LARGE1: variants seen among roughly 807,000 people sequenced by gnomAD.
The protein encoded by LARGE1 is xylosyl- and glucuronyltransferase LARGE1.
A neutral mutation model predicts 87.6 loss-of-function variants in LARGE1; 43 were observed. That is an observed-to-expected ratio of 0.49 (90% CI 0.38 to 0.63). The LOEUF (loss-of-function observed/expected upper bound fraction) is 0.63. LARGE1 is among the 30% of genes least tolerant of loss of function. The pLI is 0.00. For missense variants in LARGE1, 802 were observed against 1,000.2 expected, an observed-to-expected ratio of 0.80 and a Z score of 2.67; for synonymous variants, 434 against 394.6, an observed-to-expected ratio of 1.10 and a Z score of -1.18.
the LARGE1 span, among the ~76,000 whole-genome samples, chr22:33,139,705 G>T: frequency 3.3e-5 from 5 of 152,130 alleles, no homozygotes; most frequent in Non-Finnish European, 7.4e-5. Flanking sequence ...CTATGGTTTA[G>T]CTTGCTATTC....
At chr22:33,125,090 G>C in the LARGE1 span, among the ~76,000 whole-genome samples, 2 of 152,128 alleles carry the variant, frequency 1.3e-5, no homozygotes, top group African/African-American at 4.8e-5. Context: ...CGTGGCAAAG[G>C]GTAGTAACTT....
At chr22:33,641,193 G>A (rs2080420506) in intron 3 of LARGE1, among the ~76,000 whole-genome samples, 1 of 152,198 alleles carries the variant, frequency 6.6e-6, no homozygotes, top group Admixed American at 6.5e-5. Flanking sequence ...GCTTCCAGAG[G>A]AAGGAGCAGG....
chr22:33,270,354 AC>A, downstream of LARGE1, among the ~76,000 whole-genome samples: 1 of 152,352 alleles, frequency 6.6e-6, no homozygotes, highest in Admixed American at 6.5e-5. Flanking sequence ...ACATGAAGAT[AC>A]GACTGTACAA....
At chr22:33,555,890 A>C (rs1429483162) in intron 6 of LARGE1, among the ~76,000 whole-genome samples, 1 of 149,812 alleles carries the variant, frequency 6.7e-6, no homozygotes, top group Non-Finnish European at 1.5e-5. Flanking sequence ...AGATCACGCC[A>C]CTGCACTCTA....
In LARGE1 at chr22:33,273,178, T is replaced by A; in HGVS notation, c.*1249A>T. The A allele has an allele frequency of 2.6e-6, 1 of 379,794 alleles. No homozygotes were observed. The highest frequency in any genetic ancestry group is 4.7e-6 in the Non-Finnish European group (1 of 214,770). The allele number at this position is 379,794 out of a possible 1,614,324, so 23.5% of individuals were successfully genotyped here. A position where few individuals can be genotyped will look rare whatever the true frequency, so the allele number is the denominator to read the frequency against. On this transcript the variant is annotated 3_prime_UTR_variant, in exon 15 of 15. Transcript: ENST00000397394. ...CAGCAGAGGGTAGGGCATTAACTCT[T>A]GTTCTCATCAATGTAAACACAATAT...
At chr22:33,873,961 C>T (rs931309085) in intron 1 of LARGE1, among the ~76,000 whole-genome samples, 9 of 151,940 alleles carry the variant, frequency 5.9e-5, no homozygotes, top group Middle Eastern at 3.4e-3. Flanking sequence ...CCACCCCACC[C>T]GGCTGTATTC....
intron 9 of LARGE1, among the ~76,000 whole-genome samples, chr22:33,380,058 T>C (rs2065110244): frequency 6.6e-6 from 1 of 152,258 alleles, no homozygotes; most frequent in African/African-American, 2.4e-5. Flanking sequence ...CTTATCTTTT[T>C]GGATTCACTC....
At chr22:33,785,468 G>A (rs141042094) in intron 1 of LARGE1, among the ~76,000 whole-genome samples, 52 of 152,072 alleles carry the variant, frequency 3.4e-4, no homozygotes, top group Middle Eastern at 3.4e-3. Context: ...TACCCTAACC[G>A]ATTACTACCA....
At chr22:33,451,731 G>T (rs1483820483) in intron 6 of LARGE1, among the ~76,000 whole-genome samples, 1 of 148,062 alleles carries the variant, frequency 6.8e-6, no homozygotes, top group African/African-American at 2.5e-5. Context: ...GCTAATTTTT[G>T]AATTTTTAGT....
rs531723431 is a variant in LARGE1, at chr22:33,277,940, C to T, written c.1878-685G>A. Among the ~76,000 whole-genome samples the T allele has an allele frequency of 3.1e-4, 47 of 152,284 alleles. 2 individuals carry two copies. In the South Asian group the frequency reaches 8.1e-3, roughly 26 times the overall value. ...GCCAGACTGTGGTAGGAGTATCAGA[C>T]GGTCCCCCATGACTCTCACCCTGTC... On this transcript the variant is annotated intron_variant, in intron 13 of 14. Transcript: ENST00000397394.
At chr22:33,349,211 T>C (rs1940118934) in intron 9 of LARGE1, among the ~76,000 whole-genome samples, 1 of 152,194 alleles carries the variant, frequency 6.6e-6, no homozygotes, top group African/African-American at 2.4e-5. Flanking sequence ...TAACACTGGC[T>C]TTCCTGGGAA....
chr22:33,522,803 C>A (rs1242064467), intron 6 of LARGE1, among the ~76,000 whole-genome samples: 1 of 151,386 alleles, frequency 6.6e-6, no homozygotes, highest in African/African-American at 2.4e-5. Context: ...TTCACTCCAG[C>A]CTGGTCAACA....
intron 4 of LARGE1, among the ~76,000 whole-genome samples, chr22:33,615,160 CATGG>C (rs1278191700): frequency 2.6e-5 from 4 of 152,124 alleles, no homozygotes; most frequent in African/African-American, 9.7e-5. Context: ...GGAATCTTAG[CATGG>C]ATGCTTTATT....
chr22:33,756,330 C>T (rs1213725015), intron 2 of LARGE1, among the ~76,000 whole-genome samples: 1 of 152,130 alleles, frequency 6.6e-6, no homozygotes, highest in African/African-American at 2.4e-5. Flanking sequence ...TAAAGAGACC[C>T]GCTTTCTCCA....
chr22:33,725,230 G>C (rs1325226230), intron 2 of LARGE1: 3 of 152,562 alleles, frequency 2.0e-5, no homozygotes, highest in Non-Finnish European at 4.4e-5. Context: ...GAGTCGCTTT[G>C]TGACACCCTT....
intron 6 of LARGE1, among the ~76,000 whole-genome samples, chr22:33,464,414 T>TG (rs1372691386): frequency 6.6e-6 from 1 of 152,068 alleles, no homozygotes; most frequent in African/African-American, 2.4e-5. Flanking sequence ...CAGCACATCA[T>TG]AAGACATCAT....
downstream of LARGE1, among the ~76,000 whole-genome samples, chr22:33,270,004 CAA>C (rs56995031): frequency 4.4e-4 from 38 of 86,588 alleles, no homozygotes; most frequent in Admixed American, 4.2e-4. Flanking sequence ...GACTCTGTCT[CAA>C]AAAAAAAAAA....
intron 6 of LARGE1, among the ~76,000 whole-genome samples, chr22:33,517,787 G>A (rs1201220062): frequency 6.6e-6 from 1 of 152,202 alleles, no homozygotes; most frequent in African/African-American, 2.4e-5. Flanking sequence ...TCTTAGGAAG[G>A]AGAATGCATG....
intron 1 of LARGE1, among the ~76,000 whole-genome samples, chr22:33,773,060 C>T (rs145010032): frequency 4.9e-4 from 75 of 152,284 alleles, no homozygotes; most frequent in African/African-American, 1.6e-3. Context: ...GACACCCTCT[C>T]GTGCACGTGA....
Sources: gnomAD v4.1 joint callset for allele counts (sites outside exome capture counted in the v4.1 genomes callset) on GRCh38, gnomAD v4.1.1 for gene constraint, MANE v1.5 for transcripts, NCBI Gene and HGNC (gene_info 2026-07-23, HGNC 2026-07-21) for gene names.